Variants in POLA1 observed in about 807,000 individuals in gnomAD.
POLA1 encodes the protein DNA polymerase alpha 1, catalytic subunit.
POLA1 carries 15 observed loss-of-function variants against 124.0 expected under a neutral mutation model. The ratio of observed to expected loss-of-function variants is 0.12; its 90% CI spans 0.08 to 0.19. The LOEUF (loss-of-function observed/expected upper bound fraction) is 0.19. Among genes scored for constraint, POLA1 ranks in the 10% least tolerant of loss-of-function variants. The probability of loss-of-function intolerance (pLI) is 1.00; values close to 1 mark genes in which losing one functional copy is unlikely to be tolerated. For synonymous variants in POLA1, 408 were observed against 389.4 expected (o/e 1.05, Z -0.56); for missense variants, 886 against 1,103.4 (o/e 0.80, Z 2.79).
intron 5 of POLA1, 84 bp from the exon 6 acceptor site, chrX:24,715,057 T>C (rs1258766538): frequency 1.5e-6 from 1 of 660,519 alleles, no homozygotes; most frequent in Middle Eastern, 3.0e-4. Flanking sequence ...GGCTAGGTCC[T>C]TCCTTTCATA....
At chrX:24,907,678 G>A (rs773865733) in intron 35 of POLA1, among the ~76,000 whole-genome samples, 1 of 112,010 alleles carries the variant, frequency 8.9e-6, no homozygotes, top group Non-Finnish European at 1.9e-5. Context: ...TCTCAGATGA[G>A]TAGGATAATT....
intron 30 of POLA1, among the ~76,000 whole-genome samples, chrX:24,817,383 G>C (rs1247146159): frequency 5.4e-5 from 6 of 110,617 alleles, no homozygotes; most frequent in Non-Finnish European, 1.1e-4. Context: ...GCTGAGGCGG[G>C]TGGATCACGA....
Position 24,821,506 on chromosome X carries a change from C to T in POLA1, c.3484C>T (p.His1162Tyr), listed in dbSNP as rs2046088303. ...TGATAAAAAAAGCCTACCTCATGTA[C>T]ATGTTGCCCTCTGGATAAATTCTCA... Reference protein sequence around the residue: ...YPDKKSLPHVHVALWINSQGG... With the variant: ...YPDKKSLPHVYVALWINSQGG... The change falls in exon 31 of 37, where the codon CAT becomes TAT. Residue 1162 changes from histidine (H) to tyrosine (Y), a missense_variant. Coordinates refer to ENST00000379068, the MANE Select transcript of POLA1 (RefSeq NM_001330360.2). The T allele has an allele frequency of 2.5e-6, 3 of 1,198,940 alleles. No homozygotes were observed. Among genetic ancestry groups the T allele is most frequent in the Non-Finnish European group, 2.3e-6 (2 of 884,075 alleles).
chrX:24,742,160 C>T (rs767947094), intron 22 of POLA1, 39 bp downstream of exon 22: 1 of 87,534 alleles, frequency 1.1e-5, no homozygotes, highest in Non-Finnish European at 2.1e-5. Flanking sequence ...TTTCTCTTAA[C>T]CCCCCCCCCC....
At chrX:24,764,526 GT>G (rs1451349528) in intron 26 of POLA1, among the ~76,000 whole-genome samples, 1 of 111,731 alleles carries the variant, frequency 9.0e-6, no homozygotes, top group Non-Finnish European at 1.9e-5. Context: ...CTCAGCTTAT[GT>G]TTACATTTGT....
At chrX:24,863,358 C>T (rs2046747187) in intron 34 of POLA1, among the ~76,000 whole-genome samples, 1 of 109,906 alleles carries the variant, frequency 9.1e-6, no homozygotes, top group African/African-American at 3.3e-5. Flanking sequence ...AGGCTTTTTT[C>T]CCCTCTATTT....
chrX:24,704,604 T>A (rs1928676259), intron 4 of POLA1, 135 bp downstream of exon 4: 6 of 442,330 alleles, frequency 1.4e-5, no homozygotes, highest in Admixed American at 3.5e-5. Context: ...ACGGAATATG[T>A]TCTAAGATGA....
At chrX:24,756,562 CAA>C (rs1332137846) in intron 26 of POLA1, among the ~76,000 whole-genome samples, 1 of 91,680 alleles carries the variant, frequency 1.1e-5, no homozygotes, top group Non-Finnish European at 2.2e-5. Flanking sequence ...GACTCCATCT[CAA>C]AAAAAAAAAA....
rs1360869352 is a variant in POLA1, at chrX:24,841,662, C to G, written c.3747C>G (p.Pro1249=). ...CTTTTACATTAATAGGACTTGACCC[C>G]ACCCAATTTAGAGTTCATCATTATC... The part of the protein sequence containing the change: ...VLIATWLGLD[P]TQFRVHHYHK... Residue 1249 remains proline (P), a synonymous_variant, in exon 33 of 37, where the codon CCC becomes CCG. Transcript: ENST00000379068. The G allele has an allele frequency of 3.4e-6, 4 of 1,166,153 alleles. No homozygotes were observed. Among genetic ancestry groups the G allele is most frequent in the Middle Eastern group, 2.4e-4 (1 of 4,245 alleles).
intron 36 of POLA1, among the ~76,000 whole-genome samples, chrX:24,944,002 C>T (rs1269190588): frequency 9.0e-6 from 1 of 111,649 alleles, no homozygotes; most frequent in Non-Finnish European, 1.9e-5. Context: ...GCTGGTAGAC[C>T]ACAGGGAATT....
chrX:24,828,614 G>A (rs2046212138), intron 32 of POLA1, among the ~76,000 whole-genome samples: 1 of 111,504 alleles, frequency 9.0e-6, no homozygotes, highest in Non-Finnish European at 1.9e-5. Context: ...AGATCTCCGA[G>A]TTTTTCCATT....
At chrX:24,989,743 A>G (rs915008268) in intron 36 of POLA1, among the ~76,000 whole-genome samples, 3 of 107,966 alleles carry the variant, frequency 2.8e-5, no homozygotes, top group African/African-American at 1.0e-4. Context: ...AATTGCAGTA[A>G]TAGCCATGGG....
At position 24,803,343 on chromosome X, in the gene POLA1, G is replaced by C. The variant is rs574605354; in HGVS notation, c.2965-6555G>C. ...TACTACTGATGAAATCTAGTGGGTA[G>C]GGGCTAGGGATGCTGCTAAACATCC... is the stretch of plus-strand genomic sequence containing the variant. On this transcript the variant is annotated intron_variant, in intron 26 of 36. Transcript: ENST00000379068. 2.2e-4 allele frequency among the ~76,000 whole-genome samples: 24 copies of C among 111,389 alleles called. No individual in the cohort carries two copies. The East Asian group carries it at 5.4e-3, about 25-fold the overall frequency.
At chrX:24,832,566 G>C (rs1048430505) in intron 32 of POLA1, among the ~76,000 whole-genome samples, 2 of 111,549 alleles carry the variant, frequency 1.8e-5, no homozygotes, top group Non-Finnish European at 3.8e-5. Context: ...GGAAAATTGC[G>C]GATTTCTCAA....
At chrX:24,948,352 T>G (rs1272609852) in intron 36 of POLA1, among the ~76,000 whole-genome samples, 12 of 22,967 alleles carry the variant, frequency 5.2e-4, no homozygotes, top group Non-Finnish European at 1.4e-3. Context: ...CTACTTTCTG[T>G]TTTTTTTTTT....
chrX:24,923,193 G>A (rs774519295), intron 35 of POLA1, among the ~76,000 whole-genome samples: 14 of 111,693 alleles, frequency 1.3e-4, no homozygotes, highest in Non-Finnish European at 2.6e-4. Context: ...TCTTCTAACA[G>A]CAGAATGCGA....
intron 16 of POLA1, 126 bp downstream of exon 16, chrX:24,732,580 G>T: frequency 6.4e-6 from 2 of 311,441 alleles, no homozygotes; most frequent in Non-Finnish European, 1.1e-5. Context: ...TATTGTTAAA[G>T]AGGGTTTTGT....
chrX:24,833,223 G>C (rs964623885), intron 32 of POLA1, among the ~76,000 whole-genome samples: 2 of 111,794 alleles, frequency 1.8e-5, no homozygotes, highest in African/African-American at 3.3e-5. Context: ...CCAGATTGCT[G>C]TGAATGTCAT....
At chrX:24,800,572 A>T (rs1437724625) in intron 26 of POLA1, among the ~76,000 whole-genome samples, 1 of 112,008 alleles carries the variant, frequency 8.9e-6, no homozygotes, top group African/African-American at 3.2e-5. Flanking sequence ...TGTCAGATAT[A>T]ACCCGAAGAA....
Sources: allele counts gnomAD v4.1 joint callset (sites outside exome capture counted in the v4.1 genomes callset), GRCh38; gene constraint gnomAD v4.1.1; transcripts MANE v1.5; gene names NCBI Gene and HGNC (gene_info 2026-07-23, HGNC 2026-07-21).